Variants in TRIM42 observed in about 807,000 individuals in gnomAD.
TRIM42 encodes tripartite motif containing 42.
A neutral mutation model predicts 64.9 loss-of-function variants in TRIM42; 59 were observed. The observed-to-expected ratio is 0.91, with a 90% CI of 0.74 to 1.13. The LOEUF (loss-of-function observed/expected upper bound fraction) is 1.13, where lower values mean the gene tolerates loss of function less well. TRIM42 is among the 50% of genes most tolerant of loss of function. TRIM42 has a pLI of 0.00. For missense variants in TRIM42, 878 were observed against 929.5 expected (o/e 0.94, Z 0.72); for synonymous variants, 354 against 346.3 (o/e 1.02, Z -0.25).
intron 4 of TRIM42, among the ~76,000 whole-genome samples, chr3:140,691,683 A>G (rs1988719722): frequency 6.6e-6 from 1 of 152,206 alleles, no homozygotes; most frequent in South Asian, 2.1e-4. Flanking sequence ...GAACCTATTT[A>G]TACTAAAAAC....
At position 140,688,155 on chromosome 3, in the gene TRIM42, C is replaced by T. The variant is rs775780926; in HGVS notation, c.1473C>T (p.Pro491=). 1.9e-6 allele frequency: 3 copies of T among 1,614,204 alleles called. No individual in the cohort carries two copies. In the South Asian group the frequency reaches 3.3e-5, roughly 18 times the overall value. The change falls in exon 3 of 5, where the codon CCC becomes CCT. Residue 491 remains proline, a synonymous_variant. Coordinates refer to ENST00000286349, the MANE Select transcript of TRIM42 (RefSeq NM_152616.5). The part of the protein sequence containing the change: ...ELSSAIHELF[P]TGPKKVRSSG... ...CCAGTGCCATCCATGAGCTCTTCCCCACAGGGCCCAAGAAGGTACGCTCCT... is the reference window on the plus strand; with the variant it reads ...CCAGTGCCATCCATGAGCTCTTCCCTACAGGGCCCAAGAAGGTACGCTCCT...
At chr3:140,686,653 T>C (rs556931188) in intron 2 of TRIM42, among the ~76,000 whole-genome samples, 16 of 152,102 alleles carry the variant, frequency 1.1e-4, no homozygotes, top group Non-Finnish European at 1.6e-4. Flanking sequence ...ATGAACCAAG[T>C]GCAAAAATAG....
intron 4 of TRIM42, among the ~76,000 whole-genome samples, chr3:140,696,919 T>C (rs1407963389): frequency 6.6e-6 from 1 of 152,104 alleles, no homozygotes; most frequent in Non-Finnish European, 1.5e-5. Context: ...ATTCGCCCCA[T>C]ATTAGATACA....
chr3:140,689,955 A>G (rs951379390), intron 3 of TRIM42, among the ~76,000 whole-genome samples: 2 of 152,002 alleles, frequency 1.3e-5, no homozygotes, highest in Non-Finnish European at 2.9e-5. Context: ...TAGTCACCCC[A>G]TGCCACCTAT....
Position 140,683,156 on chromosome 3 carries a change from G to A in TRIM42, c.1036G>A (p.Ala346Thr), listed in dbSNP as rs747571406. 1.2e-6 allele frequency: 2 copies of A among 1,613,872 alleles called. No homozygotes were observed. The highest frequency in any genetic ancestry group is 8.5e-7 in the Non-Finnish European group (1 of 1,179,732). The change falls in exon 2 of 5, where the codon GCA (alanine) becomes ACA (threonine). Residue 346 changes from alanine to threonine, a missense_variant. Ala to Thr is a moderately conservative substitution (Grantham distance 58). Coordinates refer to ENST00000286349, the MANE Select transcript of TRIM42 (RefSeq NM_152616.5). Reference protein sequence around the residue: ...SLFSAIAKFKAVRYEIDNDLM... With the variant: ...SLFSAIAKFKTVRYEIDNDLM... ...CTTCAGCGCCATCGCCAAGTTCAAA[G>A]CAGGTCCTCCCCTTTTCCACTCCTT...
chr3:140,680,804 G>A (rs1189822806), intron 1 of TRIM42: 2 of 562,112 alleles, frequency 3.6e-6, no homozygotes, highest in East Asian at 1.4e-4. Context: ...AGCATTCTCT[G>A]TCACCACAGG....
intron 1 of TRIM42, among the ~76,000 whole-genome samples, chr3:140,679,263 T>C (rs1280773646): frequency 6.6e-6 from 1 of 152,180 alleles, no homozygotes; most frequent in Non-Finnish European, 1.5e-5. Flanking sequence ...ACCTTCTTTT[T>C]CCCATCCAGA....
rs837659 is a variant in TRIM42, at chr3:140,692,590, G to C, written c.2085+1398G>C. ...AGAGAGATAGAGAGAGAGAGAGAGA[G>C]AGGTCAAACCTGGCACAGGAAGGAT... On this transcript the variant is annotated intron_variant, in intron 4 of 4. Transcript: ENST00000286349. Among the ~76,000 whole-genome samples, 270 of 146,674 alleles carry C rather than the reference G, an allele frequency of 1.8e-3. 1 individual carries two copies. The highest frequency in any genetic ancestry group is 6.5e-3 in the African/African-American group (262 of 40,234).
At chr3:140,695,976 C>T (rs2107767158) in intron 4 of TRIM42, among the ~76,000 whole-genome samples, 1 of 152,278 alleles carries the variant, frequency 6.6e-6, no homozygotes, top group South Asian at 2.1e-4. Flanking sequence ...GTAAGCAGAA[C>T]CCTGTTGGTC....
intron 2 of TRIM42, among the ~76,000 whole-genome samples, chr3:140,683,378 A>G (rs1465179094): frequency 1.3e-5 from 2 of 151,852 alleles, no homozygotes; most frequent in Non-Finnish European, 2.9e-5. Flanking sequence ...TGCTTTTCTC[A>G]CCTATGAAAC....
rs1160792247 is a variant in TRIM42 at position 140,699,366 on chromosome 3, T to A, written c.2086-1522T>A. Among the ~76,000 whole-genome samples, 6 of 152,234 alleles carry A rather than the reference T, an allele frequency of 3.9e-5. No homozygotes were observed. In the South Asian group the frequency reaches 1.2e-3, roughly 32 times the overall value. ...TAAAAAGAGCTGGGAAACTTTTTGC[T>A]CTTCTATTTTCTAGAATAACTCTTA... On this transcript the variant is annotated intron_variant, in intron 4 of 4. Coordinates refer to ENST00000286349, the MANE Select transcript of TRIM42 (RefSeq NM_152616.5).
chr3:140,688,880 GT>G (rs1988635597), intron 3 of TRIM42, among the ~76,000 whole-genome samples: 1 of 152,222 alleles, frequency 6.6e-6, no homozygotes, highest in East Asian at 1.9e-4. Flanking sequence ...GCAGTGTAAT[GT>G]TTCCCAAAGG....
chr3:140,697,972 C>T (rs769364867), intron 4 of TRIM42, among the ~76,000 whole-genome samples: 2 of 152,080 alleles, frequency 1.3e-5, no homozygotes, highest in Non-Finnish European at 2.9e-5. Context: ...CATGAGCCAC[C>T]GCGCCTGGCC....
chr3:140,684,221 G>A (rs1467761333), intron 2 of TRIM42, among the ~76,000 whole-genome samples: 5 of 152,184 alleles, frequency 3.3e-5, no homozygotes, highest in Non-Finnish European at 5.9e-5. Context: ...TTAGGACAGG[G>A]AGCTAATAAG....
chr3:140,691,295 T>G (rs1009014097), intron 4 of TRIM42, 103 bp downstream of exon 4: 3 of 976,176 alleles, frequency 3.1e-6, no homozygotes, highest in Admixed American at 4.0e-5. Context: ...ACTATGGGAC[T>G]CTTCCTCTAA....
chr3:140,696,439 T>C (rs2107767487), intron 4 of TRIM42, among the ~76,000 whole-genome samples: 1 of 152,360 alleles, frequency 6.6e-6, no homozygotes, highest in Admixed American at 6.5e-5. Context: ...TCAGGCAGGA[T>C]GGACACCCAG....
intron 3 of TRIM42, among the ~76,000 whole-genome samples, chr3:140,689,235 G>A (rs1039686709): frequency 3.3e-5 from 5 of 152,134 alleles, no homozygotes; most frequent in South Asian, 2.1e-4. Context: ...GAACCCACAC[G>A]GAATTGTTTG....
intron 1 of TRIM42, 143 bp from the exon 2 acceptor site, chr3:140,682,319 C>T: frequency 1.4e-6 from 1 of 740,348 alleles, no homozygotes; most frequent in Non-Finnish European, 2.2e-6. Flanking sequence ...AGATTGAGAA[C>T]GCAGGCACCT....
intron 4 of TRIM42, among the ~76,000 whole-genome samples, chr3:140,694,565 C>T (rs892761914): frequency 3.3e-5 from 5 of 152,204 alleles, no homozygotes; most frequent in Admixed American, 6.5e-5. Context: ...TCCATGAAAG[C>T]TTCCCATGAC....
Sources: gnomAD v4.1 joint callset for allele counts (sites outside exome capture counted in the v4.1 genomes callset) on GRCh38, gnomAD v4.1.1 for gene constraint, MANE v1.5 for transcripts, NCBI Gene and HGNC (gene_info 2026-07-23, HGNC 2026-07-21) for gene names.